Variants in NOX4 observed in about 807,000 individuals in gnomAD.
NOX4 encodes the protein kidney oxidase-1.
NOX4 carries 69 observed loss-of-function variants against 87.6 expected under a neutral mutation model. The ratio of observed to expected loss-of-function variants is 0.79; its 90% CI spans 0.65 to 0.96. NOX4 has a LOEUF of 0.96. Ranked by LOEUF, NOX4 falls within the 40% of genes least tolerant of loss-of-function variation. The probability of loss-of-function intolerance (pLI) is 0.00; values close to 1 mark genes in which losing one functional copy is unlikely to be tolerated. For synonymous variants in NOX4, 275 were observed against 238.2 expected (o/e 1.15, Z -1.42); for missense variants, 680 against 681.5 (o/e 1.00, Z 0.02).
chr11:89,383,100 C>T (rs1940416149), intron 11 of NOX4, among the ~76,000 whole-genome samples: 1 of 152,134 alleles, frequency 6.6e-6, no homozygotes. Flanking sequence ...ATTAATCAAC[C>T]TCGCCTTCAA....
intron 11 of NOX4, among the ~76,000 whole-genome samples, chr11:89,382,181 C>G (rs1243342158): frequency 6.6e-6 from 1 of 151,964 alleles, no homozygotes; most frequent in Non-Finnish European, 1.5e-5. Flanking sequence ...CTCTCCGTGT[C>G]CCTACCCTTT....
At chr11:89,462,481 T>C (rs1945513226) in intron 2 of NOX4, among the ~76,000 whole-genome samples, 1 of 152,106 alleles carries the variant, frequency 6.6e-6, no homozygotes, top group African/African-American at 2.4e-5. Flanking sequence ...GTTACAGTAA[T>C]TCAGAATGTG....
intron 7 of NOX4, among the ~76,000 whole-genome samples, chr11:89,428,458 T>C (rs1249589456): frequency 2.1e-5 from 3 of 143,218 alleles, no homozygotes; most frequent in Admixed American, 7.1e-5. Flanking sequence ...CAGTGTGCTG[T>C]ATTCAGGAAA....
At chr11:89,586,968 CTGTA>C in the NOX4 span, among the ~76,000 whole-genome samples, 900 of 152,184 alleles carry the variant, frequency 5.9e-3, 6 homozygotes, top group Non-Finnish European at 0.01. Flanking sequence ...TCTATGGAAT[CTGTA>C]TGTTTTTTCT....
intron 5 of NOX4, among the ~76,000 whole-genome samples, chr11:89,441,354 C>A (rs2135355627): frequency 6.6e-6 from 1 of 152,262 alleles, no homozygotes; most frequent in East Asian, 1.9e-4. Flanking sequence ...ACCCTTCTAC[C>A]TTCTGGAAAA....
intron 2 of NOX4, among the ~76,000 whole-genome samples, chr11:89,455,153 T>C (rs1021690540): frequency 6.6e-6 from 1 of 152,132 alleles, no homozygotes; most frequent in East Asian, 1.9e-4. Flanking sequence ...ACTACTTTAG[T>C]TTATTACTTA....
rs538544256 is a variant in NOX4 at position 89,383,107 on chromosome 11, T to A, written c.1075-9615A>T. ...CAACAGGAATTAATCAACCTCGCCTTCAAGATGTTCAATAACAGAGGAGTT... is the reference window on the plus strand; with the variant it reads ...CAACAGGAATTAATCAACCTCGCCTACAAGATGTTCAATAACAGAGGAGTT... On this transcript the variant is annotated intron_variant, in intron 11 of 17. Transcript: ENST00000263317. Among the ~76,000 whole-genome samples, 5 of 152,250 alleles carry A rather than the reference T, an allele frequency of 3.3e-5. No homozygotes were observed. In the South Asian group the frequency reaches 1.0e-3, roughly 32 times the overall value.
At chr11:89,416,116 G>A (rs949805424) in intron 8 of NOX4, among the ~76,000 whole-genome samples, 13 of 152,046 alleles carry the variant, frequency 8.6e-5, no homozygotes, top group African/African-American at 2.7e-4. Flanking sequence ...TGTATGACCT[G>A]GTTTTTCTAT....
chr11:89,340,964 G>C (rs1945969893), intron 14 of NOX4, among the ~76,000 whole-genome samples: 1 of 151,206 alleles, frequency 6.6e-6, no homozygotes, highest in Non-Finnish European at 1.5e-5. Context: ...TTGCTTTTTT[G>C]GTTCTGCAAA....
At chr11:89,475,521 A>G (rs1946130182) in intron 2 of NOX4, among the ~76,000 whole-genome samples, 1 of 152,038 alleles carries the variant, frequency 6.6e-6, no homozygotes, top group Non-Finnish European at 1.5e-5. Flanking sequence ...TACCTTGAAA[A>G]TATTTAATGG....
At chr11:89,357,752 C>T (rs181250207) in intron 12 of NOX4, among the ~76,000 whole-genome samples, 65 of 152,074 alleles carry the variant, frequency 4.3e-4, no homozygotes, top group Non-Finnish European at 7.6e-4. Context: ...AAACAAAATT[C>T]GGAATTCTTA....
At chr11:89,348,453 CTA>C (rs60500260) in intron 13 of NOX4, among the ~76,000 whole-genome samples, 39 of 147,458 alleles carry the variant, frequency 2.6e-4, no homozygotes, top group Admixed American at 2.7e-4. Context: ...AAAAAAAAAA[CTA>C]TATATATATA....
upstream of NOX4, among the ~76,000 whole-genome samples, chr11:89,494,453 G>A (rs585197): frequency 0.65 from 98,467 of 152,016 alleles, 34,078 homozygotes; most frequent in Non-Finnish European, 0.81. Flanking sequence ...TTAATTATAC[G>A]TATGTGTGTG....
At chr11:89,520,641 T>C in the NOX4 span, among the ~76,000 whole-genome samples, 1 of 151,910 alleles carries the variant, frequency 6.6e-6, no homozygotes, top group African/African-American at 2.4e-5. Context: ...ACTGAAACAA[T>C]ACAAGGATTC....
rs148866609 is a variant in NOX4, at chr11:89,338,309, C to G, written c.1447-794G>C. Among the ~76,000 whole-genome samples, 34 of 152,146 alleles carry G rather than the reference C, an allele frequency of 2.2e-4. No homozygotes were observed. The East Asian group carries it at 6.6e-3, about 29-fold the overall frequency. On this transcript the variant is annotated intron_variant, in intron 15 of 17. Coordinates refer to ENST00000263317, the MANE Select transcript of NOX4 (RefSeq NM_016931.5). ...TATATCTTCAAAGTTCATCCATGTA[C>G]TATGTGTCATAATTTCCTTCCTTTT...
chr11:89,570,657 C>T, the NOX4 span, among the ~76,000 whole-genome samples: 5 of 152,152 alleles, frequency 3.3e-5, no homozygotes, highest in African/African-American at 1.2e-4. Context: ...CATAGGGAGA[C>T]CTTGTCTCTA....
intron 4 of NOX4, among the ~76,000 whole-genome samples, chr11:89,445,996 A>C (rs1944684644): frequency 6.6e-6 from 1 of 152,276 alleles, no homozygotes; most frequent in East Asian, 1.9e-4. Context: ...AAATATACAA[A>C]GAACACTTAA....
the NOX4 span, among the ~76,000 whole-genome samples, chr11:89,544,773 A>G: frequency 1.3e-5 from 2 of 152,090 alleles, no homozygotes; most frequent in Non-Finnish European, 2.9e-5. Context: ...AGCAAAAAAA[A>G]TTTACAGTCT....
chr11:89,440,485 G>A (rs972228229), intron 6 of NOX4, among the ~76,000 whole-genome samples: 11 of 151,512 alleles, frequency 7.3e-5, no homozygotes, highest in African/African-American at 2.4e-4. Context: ...CACCATGCCC[G>A]GCTAATTTTT....
Sources: allele counts gnomAD v4.1 joint callset (sites outside exome capture counted in the v4.1 genomes callset), GRCh38; gene constraint gnomAD v4.1.1; transcripts MANE v1.5; gene names NCBI Gene and HGNC (gene_info 2026-07-23, HGNC 2026-07-21).